Variants in SPG7 observed in about 807,000 individuals in gnomAD.
The protein encoded by SPG7 is mitochondrial inner membrane m-AAA protease component paraplegin.
In SPG7, 103 loss-of-function variants were observed where a neutral mutation model predicts 81.9. The observed-to-expected ratio is 1.26, with a 90% CI of 1.07 to 1.48. The LOEUF (loss-of-function observed/expected upper bound fraction) is 1.48. SPG7 is among the 40% of genes most tolerant of loss of function. The pLI is 0.00. For synonymous variants in SPG7, 534 were observed against 444.2 expected, an observed-to-expected ratio of 1.20 and a Z score of -2.54; for missense variants, 1,241 against 1,087.3, an observed-to-expected ratio of 1.14 and a Z score of -1.99.
chr16:89,545,978 G>C (rs1452617895), intron 10 of SPG7: 12 of 435,032 alleles, frequency 2.8e-5, no homozygotes, highest in Admixed American at 2.4e-4. Context: ...ACTACTATGG[G>C]CGTGCGCCGC....
intron 9 of SPG7, 123 bp downstream of exon 9, chr16:89,532,759 G>C (rs2058362606): frequency 3.4e-6 from 4 of 1,181,904 alleles, no homozygotes; most frequent in Non-Finnish European, 3.7e-6. Context: ...GACAGAGTGA[G>C]ACTCTGTCTC....
chr16:89,546,695 T>C lies in SPG7; in HGVS notation c.1487T>C (p.Leu496Pro). ...REIFEQHLKS[L>P]KLTQSSTFYS... ...ATTTTTGAGCAGCACCTGAAGAGCC[T>C]GAAGCTGACCCAGTCCAGCACCTTT... The change falls in exon 11 of 17, where the codon CTG becomes CCG. Residue 496 changes from leucine to proline, a missense_variant. By Grantham distance (98) the Leu-to-Pro change is moderately conservative. Transcript: ENST00000645818. The C allele has an allele frequency of 6.2e-7, 1 of 1,613,650 alleles. No individual in the cohort carries two copies. The highest frequency in any genetic ancestry group is 2.2e-5 in the East Asian group (1 of 44,844).
Position 89,548,093 on chromosome 16 carries a change from C to A in SPG7, c.1643C>A (p.Ala548Asp), listed in dbSNP as rs863224220. ...TSVHTLNFEY[A>D]VERVLAGTAK... The stretch of plus-strand genomic sequence containing the variant: ...GTGCACACTCTCAACTTCGAGTACG[C>A]CGTGGAGCGCGTCCTCGCAGGTACA... The change falls in exon 12 of 17, where the codon GCC becomes GAC. Residue 548 changes from alanine to aspartate, a missense_variant. By Grantham distance (126) the Ala-to-Asp change is moderately radical. Transcript: ENST00000645818. 1.9e-6 allele frequency: 3 copies of A among 1,607,026 alleles called. No homozygotes were observed. In the African/African-American group the frequency reaches 4.0e-5, roughly 21 times the overall value.
chr16:89,516,815 A>G (rs2058103067), intron 3 of SPG7: 1 of 151,152 alleles, frequency 6.6e-6, no homozygotes, highest in Non-Finnish European at 1.5e-5. Context: ...CAGTGAGCCG[A>G]GATCGCGCCA....
At chr16:89,513,144 C>A in intron 3 of SPG7, 107 bp downstream of exon 3, 1 of 1,483,354 alleles carries the variant, frequency 6.7e-7, no homozygotes, top group Non-Finnish European at 9.1e-7. Flanking sequence ...GGAGATGGGC[C>A]GGGTGCAGTG....
chr16:89,553,674 C>G lies in SPG7; in HGVS notation c.1937-120C>G. ...CTCACTGTCCAGCTTCACGGTGGGT[C>G]CTCGGGAGGAAGGGGATGGAGGTGG... On this transcript the variant is annotated intron_variant, in intron 14 of 16. Coordinates refer to ENST00000645818, the MANE Select transcript of SPG7 (RefSeq NM_003119.4). 5 of 946,040 alleles carry G rather than the reference C, an allele frequency of 5.3e-6. No homozygotes were observed. In the Admixed American group the frequency reaches 7.7e-5, roughly 15 times the overall value. 58.6% of individuals were successfully genotyped at this position (946,040 alleles called of 1,614,324 possible). A position where few individuals can be genotyped will look rare whatever the true frequency, so the allele number is the denominator to read the frequency against.
intron 12 of SPG7, chr16:89,549,616 C>T (rs1264427950): frequency 2.6e-5 from 6 of 232,652 alleles, no homozygotes; most frequent in East Asian, 1.2e-4. Context: ...AACAGTGAGC[C>T]GTGATCGCAC....
chr16:89,546,494 T>C (rs1421520915), intron 10 of SPG7, 164 bp from the exon 11 acceptor site: 1 of 664,810 alleles, frequency 1.5e-6, no homozygotes, highest in African/African-American at 1.8e-5. Context: ...CCTAGCCAAC[T>C]TTGCGAAACC....
At position 89,524,180 on chromosome 16, in the gene SPG7, A is replaced by G. The variant is rs993396695; in HGVS notation, c.551A>G (p.Gln184Arg). The G allele has an allele frequency of 1.9e-6, 3 of 1,614,064 alleles. 1 individual carries two copies. The change falls in exon 4 of 17, where the codon CAG (glutamine) becomes CGG (arginine). Residue 184 changes from glutamine to arginine, a missense_variant. Transcript: ENST00000645818. ...MLAKGEVQRV[Q>R]VVPESDVVEV... is the part of the protein sequence containing the mutation. ...GCCAAGGGCGAGGTGCAGCGCGTCC[A>G]GGTGGTGCCTGAGAGCGACGTGGTG...
intron 11 of SPG7, 30 bp downstream of exon 11, chr16:89,546,790 G>A (rs760989761): frequency 5.4e-6 from 8 of 1,483,676 alleles, no homozygotes; most frequent in South Asian, 2.3e-5. Context: ...CCTGGGCAGC[G>A]TCACGTCCTG....
chr16:89,508,551 C>T lies in SPG7; in HGVS notation c.134C>T (p.Ala45Val). 1 of 1,506,746 alleles carries T rather than the reference C, an allele frequency of 6.6e-7. No homozygotes were observed. Among genetic ancestry groups the T allele is most frequent in the Non-Finnish European group, 8.8e-7 (1 of 1,132,984 alleles). The allele number at this position is 1,506,746 out of a possible 1,614,324, so 93.3% of individuals were successfully genotyped here. The change falls in exon 1 of 17, where the codon GCC (alanine) becomes GTC (valine). Residue 45 changes from alanine to valine, a missense_variant. Transcript: ENST00000645818. ...CCCGGGAGGGGGCGGCCGTACATGG[C>T]CAGCAGGCCTCCGGGGGACCTCGCC... ...ARPGRGRPYM[A>V]SRPPGDLAEA...
Position 89,537,733 on chromosome 16 carries a change from C to T in SPG7, c.1324+5097C>T, listed in dbSNP as rs75391454. 1.8e-5 allele frequency: 18 copies of T among 985,360 alleles called. No individual in the cohort carries two copies. The East Asian group carries it at 1.5e-3, about 81-fold the overall frequency. The allele number at this position is 985,360 out of a possible 1,614,324, so 61.0% of individuals were successfully genotyped here. A position where few individuals can be genotyped will look rare whatever the true frequency, so the allele number is the denominator to read the frequency against. On this transcript the variant is annotated intron_variant, in intron 9 of 16. Coordinates refer to ENST00000645818, the MANE Select transcript of SPG7 (RefSeq NM_003119.4). The stretch of plus-strand genomic sequence containing the variant: ...TCATCAGCATGTGAGCTTGGCAGTG[C>T]TTGCCGTGAGCTCTTTCAGGTCCAG...
intron 9 of SPG7, among the ~76,000 whole-genome samples, chr16:89,534,988 A>C (rs1029465222): frequency 3.3e-5 from 5 of 152,162 alleles, no homozygotes; most frequent in African/African-American, 1.2e-4. Context: ...CTCCTGCCTC[A>C]GCCTCCCGAG....
At position 89,532,647 on chromosome 16, in the gene SPG7, G is replaced by A. The variant is rs775812978; in HGVS notation, c.1324+11G>A. On this transcript the variant is annotated intron_variant, in intron 9 of 16. Transcript: ENST00000645818. Reference sequence around the variant, plus strand: ...TGGTAGAAATGGATGGTCAGTGCTCGTGCGCCCCGCACCCCCATTGCACCA... The same window carrying A: ...TGGTAGAAATGGATGGTCAGTGCTCATGCGCCCCGCACCCCCATTGCACCA... The A allele has an allele frequency of 2.5e-5, 40 of 1,612,844 alleles. No homozygotes were observed. The highest frequency in any genetic ancestry group is 1.5e-4 in the Admixed American group (9 of 60,006).
intron 13 of SPG7, chr16:89,551,728 A>G (rs2058635873): frequency 6.6e-6 from 1 of 152,200 alleles, no homozygotes; most frequent in African/African-American, 2.4e-5. Flanking sequence ...ATCTCTACCA[A>G]AAATACAAAA....
intron 3 of SPG7, among the ~76,000 whole-genome samples, chr16:89,516,517 C>T (rs2058098502): frequency 6.6e-6 from 1 of 152,002 alleles, no homozygotes; most frequent in South Asian, 2.1e-4. Context: ...TGCCATTGCA[C>T]TTCAGCCTGG....
chr16:89,516,534 G>C (rs72805503), intron 3 of SPG7, among the ~76,000 whole-genome samples: 19,643 of 151,948 alleles, frequency 0.13, 1,632 homozygotes, highest in Middle Eastern at 0.2. Context: ...CTGGATAATA[G>C]AGTGAGACCT....
At chr16:89,515,782 A>C (rs1209754454) in intron 3 of SPG7, among the ~76,000 whole-genome samples, 1 of 150,252 alleles carries the variant, frequency 6.7e-6, no homozygotes, top group Non-Finnish European at 1.5e-5. Context: ...ATCTCGGCTC[A>C]CTGCAACCTC....
intron 4 of SPG7, among the ~76,000 whole-genome samples, chr16:89,525,493 TGAGTGAGG>T (rs1458397503): frequency 6.6e-6 from 1 of 152,136 alleles, no homozygotes; most frequent in African/African-American, 2.4e-5. Context: ...GTTTGGGGTG[TGAGTGAGG>T]GAGCAGCAGG....
Sources: gnomAD v4.1 joint callset for allele counts (sites outside exome capture counted in the v4.1 genomes callset) on GRCh38, gnomAD v4.1.1 for gene constraint, MANE v1.5 for transcripts, NCBI Gene and HGNC (gene_info 2026-07-23, HGNC 2026-07-21) for gene names.